Variants in ESR1 observed in about 807,000 individuals in gnomAD.
ESR1 encodes estrogen receptor.
A neutral mutation model predicts 52.7 loss-of-function variants in ESR1; 12 were observed. The ratio of observed to expected loss-of-function variants is 0.23; its 90% CI spans 0.15 to 0.37. ESR1 has a LOEUF of 0.37. ESR1 is among the 10% of genes least tolerant of loss of function. The pLI, the probability that ESR1 is intolerant of heterozygous loss-of-function variation, is 1.00. For missense variants in ESR1, 584 were observed against 779.7 expected (o/e 0.75, Z 2.99); for synonymous variants, 305 against 316.8 (o/e 0.96, Z 0.39).
chr6:151,670,992 T>C (rs1389185114), intron 1 of ESR1, among the ~76,000 whole-genome samples: 1 of 152,060 alleles, frequency 6.6e-6, no homozygotes, highest in Non-Finnish European at 1.5e-5. Flanking sequence ...GGTCTCGAAC[T>C]CCTGGCCCCA....
intron 2 of ESR1, among the ~76,000 whole-genome samples, chr6:151,707,097 C>G (rs1349953133): frequency 6.6e-6 from 1 of 152,174 alleles, no homozygotes; most frequent in Non-Finnish European, 1.5e-5. Flanking sequence ...TGCCTCTGAA[C>G]ATGTAGAATT....
rs558327746 is a variant in ESR1 at position 151,672,292 on chromosome 6, G to A, written n.73+15529G>A. Among the ~76,000 whole-genome samples the A allele has an allele frequency of 6.6e-5, 10 of 151,724 alleles. No homozygotes were observed. The South Asian group carries it at 1.5e-3, about 22-fold the overall frequency. On this transcript the variant is annotated intron_variant and non_coding_transcript_variant, in intron 1 of 2. Transcript: ENST00000473497. The stretch of plus-strand genomic sequence containing the variant: ...TATTTGTCAATTAAAAAAAAGAGAG[G>A]GGACTATAGGCACACACCACCATGC...
At chr6:151,703,666 A>G (rs940621316) in intron 2 of ESR1, among the ~76,000 whole-genome samples, 1 of 152,222 alleles carries the variant, frequency 6.6e-6, no homozygotes, top group African/African-American at 2.4e-5. Flanking sequence ...ATTTTAATAT[A>G]GAAACGAGTC....
intron 2 of ESR1, among the ~76,000 whole-genome samples, chr6:151,854,093 G>A (rs565914918): frequency 6.6e-6 from 1 of 152,232 alleles, no homozygotes; most frequent in East Asian, 1.9e-4. Context: ...TAAAGAGAAT[G>A]GTCTGTATCT....
At chr6:151,666,696 C>CCCTCCTCCTCCTCCTCCT (rs56871778) in intron 1 of ESR1, among the ~76,000 whole-genome samples, 7 of 97,344 alleles carry the variant, frequency 7.2e-5, no homozygotes, top group African/African-American at 1.0e-4. Flanking sequence ...TTCCCCATCC[C>CCCTCCTCCTCCTCCTCCT]CCTCCTCCTC....
At chr6:151,726,080 G>T (rs551434538) in intron 2 of ESR1, among the ~76,000 whole-genome samples, 5 of 152,244 alleles carry the variant, frequency 3.3e-5, no homozygotes, top group Admixed American at 6.5e-5. Context: ...TGTATGGTGG[G>T]GGGTACCTTC....
intron 2 of ESR1, among the ~76,000 whole-genome samples, chr6:151,843,239 T>C (rs1462734229): frequency 6.6e-6 from 1 of 152,218 alleles, no homozygotes; most frequent in Non-Finnish European, 1.5e-5. Context: ...TTTGTTCTAG[T>C]TTAGCTTGTT....
At chr6:151,772,937 C>T (rs1371210302) in intron 2 of ESR1, among the ~76,000 whole-genome samples, 2 of 152,154 alleles carry the variant, frequency 1.3e-5, no homozygotes, top group Non-Finnish European at 2.9e-5. Context: ...GATTATTAAA[C>T]ACTCTTTTCC....
chr6:151,912,879 T>C (rs185093084), intron 3 of ESR1, among the ~76,000 whole-genome samples: 1 of 151,766 alleles, frequency 6.6e-6, no homozygotes, highest in Admixed American at 6.6e-5. Flanking sequence ...TGAGAACACA[T>C]GGACACAGGG....
chr6:151,755,027 T>C (rs527931994), intron 2 of ESR1, among the ~76,000 whole-genome samples: 7 of 152,206 alleles, frequency 4.6e-5, no homozygotes, highest in Admixed American at 1.3e-4. Flanking sequence ...GTCTGGCCAA[T>C]AGAGAAAAGC....
At chr6:151,700,140 C>T (rs1779661899) in intron 1 of ESR1, among the ~76,000 whole-genome samples, 1 of 151,374 alleles carries the variant, frequency 6.6e-6, no homozygotes, top group Admixed American at 6.6e-5. Flanking sequence ...TTCTTCAAAT[C>T]TCTGTTATTA....
At chr6:151,889,058 T>G (rs1428865651) in intron 3 of ESR1, among the ~76,000 whole-genome samples, 1 of 152,170 alleles carries the variant, frequency 6.6e-6, no homozygotes, top group Non-Finnish European at 1.5e-5. Context: ...GTCATGACAA[T>G]CAATTTTGCT....
chr6:151,712,186 C>A (rs1182617006), intron 2 of ESR1, among the ~76,000 whole-genome samples: 1 of 152,062 alleles, frequency 6.6e-6, no homozygotes, highest in East Asian at 1.9e-4. Flanking sequence ...GGCCTCTGTT[C>A]TGTTCCACTG....
chr6:151,880,443 A>C lies in ESR1; in HGVS notation c.644-212A>C, dbSNP rs538312376. 1.8e-3 allele frequency among the ~76,000 whole-genome samples: 278 copies of C among 151,932 alleles called. 2 individuals are homozygous for C. Among genetic ancestry groups the C allele is most frequent in the African/African-American group, 6.5e-3 (270 of 41,416 alleles). ...TGATCCACCTGCCTCGGCCTCCCAA[A>C]GTTCTGGGATTACAGGCATGAGCCA... On this transcript the variant is annotated intron_variant, in intron 2 of 7. Coordinates refer to ENST00000206249, the MANE Select transcript of ESR1 (RefSeq NM_000125.4).
chr6:151,808,088 C>T lies in ESR1; in HGVS notation c.176C>T (p.Ala59Val). The T allele has an allele frequency of 6.2e-7, 1 of 1,612,772 alleles. No individual in the cohort carries two copies. Residue 59 changes from alanine (A) to valine (V), a missense_variant, in exon 1 of 8, where the codon GCC (alanine) becomes GTC (valine). Coordinates refer to ENST00000206249, the MANE Select transcript of ESR1 (RefSeq NM_000125.4). ...PAVYNYPEGAAYEFNAAAAAN... is the reference protein window; with the variant it reads ...PAVYNYPEGAVYEFNAAAAAN... ...GTGTACAACTACCCCGAGGGCGCCG[C>T]CTACGAGTTCAACGCCGCGGCCGCC...
intron 1 of ESR1, among the ~76,000 whole-genome samples, chr6:151,673,069 G>A (rs1481838518): frequency 6.7e-6 from 1 of 149,824 alleles, no homozygotes; most frequent in Non-Finnish European, 1.5e-5. Flanking sequence ...CTCGTGATCC[G>A]CCCGCCTCAG....
At chr6:151,776,938 C>T (rs975245972) in intron 2 of ESR1, among the ~76,000 whole-genome samples, 4 of 151,310 alleles carry the variant, frequency 2.6e-5, no homozygotes, top group Admixed American at 6.6e-5. Context: ...GTGAGTTTGA[C>T]GGGATGGGCT....
intron 1 of ESR1, among the ~76,000 whole-genome samples, chr6:151,658,422 G>A (rs1437836115): frequency 1.3e-5 from 2 of 152,114 alleles, no homozygotes; most frequent in Non-Finnish European, 2.9e-5. Flanking sequence ...ATTGTTTGCT[G>A]TTTTGTTAAA....
At chr6:151,839,040 G>A (rs909118275) in intron 1 of ESR1, among the ~76,000 whole-genome samples, 2 of 152,152 alleles carry the variant, frequency 1.3e-5, no homozygotes, top group African/African-American at 4.8e-5. Flanking sequence ...TGATATCAAT[G>A]TTGTTGAGTC....
Sources: gnomAD v4.1 joint callset for allele counts (sites outside exome capture counted in the v4.1 genomes callset) on GRCh38, gnomAD v4.1.1 for gene constraint, MANE v1.5 for transcripts, NCBI Gene and HGNC (gene_info 2026-07-23, HGNC 2026-07-21) for gene names.